Variants in WDSUB1 observed in about 807,000 individuals in gnomAD.
WDSUB1 encodes the protein WD repeat, SAM and U-box domain-containing protein 1.
A neutral mutation model predicts 53.9 loss-of-function variants in WDSUB1; 49 were observed. The ratio of observed to expected loss-of-function variants is 0.91; its 90% CI spans 0.72 to 1.15. The LOEUF (loss-of-function observed/expected upper bound fraction) is 1.15. Ranked by LOEUF, WDSUB1 falls within the 50% of genes most tolerant of loss-of-function variation. The pLI, the probability that WDSUB1 is intolerant of heterozygous loss-of-function variation, is 0.00. For missense variants in WDSUB1, 514 were observed against 562.0 expected (o/e 0.91, Z 0.86); for synonymous variants, 194 against 200.6 (o/e 0.97, Z 0.28).
chr2:159,282,787 G>A lies in WDSUB1; in HGVS notation c.283C>T (p.Pro95Ser). The stretch of plus-strand genomic sequence containing the variant: ...CAAACCCTCACAGGGCTGCCACTAG[G>A]CTGTTCCATCACTGCCAGCATCTGT... ...NGQMLAVMEQPSGSPVRVCQF... is the reference protein window; with the variant it reads ...NGQMLAVMEQSSGSPVRVCQF... The change falls in exon 2 of 11, where the codon CCT (proline) becomes TCT (serine). Residue 95 changes from proline (P) to serine (S), a missense_variant. Physicochemically the swap from Pro to Ser is moderately conservative, Grantham distance 74. Coordinates refer to ENST00000359774, the MANE Select transcript of WDSUB1 (RefSeq NM_001128212.3). 6.2e-7 allele frequency: 1 copy of A among 1,614,202 alleles called. No homozygotes were observed. The highest frequency in any genetic ancestry group is 8.5e-7 in the Non-Finnish European group (1 of 1,180,038).
Position 159,248,498 on chromosome 2 carries a change from G to C in WDSUB1, c.1147C>G (p.Arg383Gly). 1.3e-6 allele frequency: 2 copies of C among 1,556,264 alleles called. No individual in the cohort carries two copies. Among genetic ancestry groups the C allele is most frequent in the South Asian group, 1.3e-5 (1 of 79,834 alleles). The change falls in exon 10 of 11, where the codon CGT (arginine) becomes GGT (glycine). Residue 383 changes from arginine to glycine, a missense_variant. Transcript: ENST00000359774. ...TCAATTTTCCTCAGCACTTTACTAC[G>C]CAGTCCTAGAGATTCTGAAAAGAAA... ...DDLKIESLGL[R>G]SKVLRKIEEL... is the part of the protein sequence containing the mutation.
intron 5 of WDSUB1, among the ~76,000 whole-genome samples, chr2:159,266,551 C>G (rs1340639772): frequency 6.6e-6 from 1 of 152,136 alleles, no homozygotes; most frequent in Non-Finnish European, 1.5e-5. Flanking sequence ...AACCACTGAC[C>G]TAAATCATGA....
intron 10 of WDSUB1, among the ~76,000 whole-genome samples, chr2:159,246,835 C>A (rs968916389): frequency 6.6e-6 from 1 of 152,162 alleles, no homozygotes; most frequent in Non-Finnish European, 1.5e-5. Flanking sequence ...ATACTACAAG[C>A]TAGATCAATC....
At chr2:159,249,472 A>G (rs1389782703) in intron 9 of WDSUB1, among the ~76,000 whole-genome samples, 1 of 152,234 alleles carries the variant, frequency 6.6e-6, no homozygotes, top group Non-Finnish European at 1.5e-5. Flanking sequence ...AATGCCTTAC[A>G]GTTACTAGAA....
At chr2:159,237,969 T>TGGCA (rs1249968195) in intron 10 of WDSUB1, among the ~76,000 whole-genome samples, 3 of 127,204 alleles carry the variant, frequency 2.4e-5, no homozygotes, top group East Asian at 4.2e-4. Context: ...CCATAGGAAT[T>TGGCA]CTAAGTTTTT....
intron 2 of WDSUB1, 66 bp downstream of exon 2, chr2:159,282,606 C>T: frequency 6.6e-6 from 10 of 1,525,616 alleles, no homozygotes; most frequent in Non-Finnish European, 8.9e-6. Context: ...AAATATTTTG[C>T]TTTCAGTTTT....
At chr2:159,243,730 G>A (rs2060718219) in intron 10 of WDSUB1, among the ~76,000 whole-genome samples, 1 of 152,104 alleles carries the variant, frequency 6.6e-6, no homozygotes, top group Non-Finnish European at 1.5e-5. Context: ...TAACCACTCT[G>A]GAATGCTATT....
At chr2:159,273,991 A>G (rs2061491919) in intron 4 of WDSUB1, among the ~76,000 whole-genome samples, 1 of 152,240 alleles carries the variant, frequency 6.6e-6, no homozygotes, top group Admixed American at 6.5e-5. Flanking sequence ...GATGACCACA[A>G]AATTTCAGAT....
chr2:159,246,268 T>TA (rs1324615578), intron 10 of WDSUB1, among the ~76,000 whole-genome samples: 3 of 151,736 alleles, frequency 2.0e-5, no homozygotes, highest in Admixed American at 1.3e-4. Flanking sequence ...CCGTCTCTAT[T>TA]AAAAATACAA....
intron 10 of WDSUB1, among the ~76,000 whole-genome samples, chr2:159,237,973 A>AGTT (rs2060532536): frequency 7.3e-6 from 1 of 136,792 alleles, no homozygotes; most frequent in Admixed American, 7.2e-5. Flanking sequence ...AGGAATTCTA[A>AGTT]GTTTTTCATT....
chr2:159,238,157 A>G (rs2060537723), intron 10 of WDSUB1, among the ~76,000 whole-genome samples: 1 of 152,082 alleles, frequency 6.6e-6, no homozygotes, highest in Non-Finnish European at 1.5e-5. Flanking sequence ...CCTGTGAGCT[A>G]TTCATATTTT....
intron 10 of WDSUB1, among the ~76,000 whole-genome samples, chr2:159,245,214 C>G (rs1301493004): frequency 6.6e-6 from 1 of 152,098 alleles, no homozygotes; most frequent in Non-Finnish European, 1.5e-5. Context: ...ATGTGATTTT[C>G]ACTATCTGAC....
At chr2:159,274,961 C>CA (rs955930705) in intron 4 of WDSUB1, among the ~76,000 whole-genome samples, 4 of 151,260 alleles carry the variant, frequency 2.6e-5, no homozygotes, top group Middle Eastern at 3.4e-3. Context: ...ATAAAACATT[C>CA]AAAAAAAGGT....
At position 159,261,929 on chromosome 2, in the gene WDSUB1, T is replaced by A. The variant is rs1188594121; in HGVS notation, c.771-2086A>T. 5.6e-4 allele frequency among the ~76,000 whole-genome samples: 61 copies of A among 108,460 alleles called. 2 individuals are homozygous for A. In the South Asian group the frequency reaches 9.4e-3, roughly 17 times the overall value. 71.2% of individuals were successfully genotyped at this position (108,460 alleles called of 152,430 possible). On this transcript the variant is annotated intron_variant, in intron 5 of 10. Transcript: ENST00000359774. The stretch of plus-strand genomic sequence containing the variant: ...TTTTTTTTTTTTTTTTTTTTTTTTT[T>A]AAATAAATGAACTGGTCATTGGGTG...
In WDSUB1 at chr2:159,236,165, T is replaced by G; in HGVS notation, c.1299A>C (p.Ala433=). ...TCTTTTTGCTGATCCAATTTTCCAT[T>G]GCTTCCTTTTCATATGAATAGCCAT... ...ASDGYSYEKE[A]MENWISKKKR... Residue 433 remains alanine, a synonymous_variant, in exon 11 of 11, where the codon GCA becomes GCC. Transcript: ENST00000359774. The G allele has an allele frequency of 6.2e-7, 1 of 1,610,282 alleles. No individual in the cohort carries two copies. The highest frequency in any genetic ancestry group is 8.5e-7 in the Non-Finnish European group (1 of 1,178,894).
At chr2:159,286,464 G>A in intron 1 of WDSUB1, 119 bp downstream of exon 1, 1 of 152,412 alleles carries the variant, frequency 6.6e-6, no homozygotes, top group Non-Finnish European at 1.5e-5. Flanking sequence ...GTTGGGCCCT[G>A]CTGCGCGGTT....
chr2:159,269,092 A>G (rs1328484398), intron 5 of WDSUB1, among the ~76,000 whole-genome samples: 3 of 152,162 alleles, frequency 2.0e-5, no homozygotes, highest in African/African-American at 7.2e-5. Flanking sequence ...GGACAGAAAG[A>G]AAGGAACAGA....
At chr2:159,285,598 C>G (rs1488147909) in intron 1 of WDSUB1, among the ~76,000 whole-genome samples, 1 of 152,020 alleles carries the variant, frequency 6.6e-6, no homozygotes, top group Non-Finnish European at 1.5e-5. Flanking sequence ...CCCAGCTACT[C>G]GAGAAGCTGA....
rs144475526 is a variant in WDSUB1, at chr2:159,283,246, G to A, written c.-24-153C>T. ...GTGGTCCCCACCTTTTCGGCAGCAG[G>A]GACCAGTTTCATGGAAGACAATTAT... On this transcript the variant is annotated intron_variant, in intron 1 of 10. Transcript: ENST00000359774. Among the ~76,000 whole-genome samples, 1,231 of 152,302 alleles carry A rather than the reference G, an allele frequency of 8.1e-3. 12 individuals carry two copies. The highest frequency in any genetic ancestry group is 0.023 in the African/African-American group (950 of 41,552).
Sources: allele counts gnomAD v4.1 joint callset (sites outside exome capture counted in the v4.1 genomes callset), GRCh38; gene constraint gnomAD v4.1.1; transcripts MANE v1.5; gene names NCBI Gene and HGNC (gene_info 2026-07-23, HGNC 2026-07-21).